The following MAP4K5 variants were observed in gnomAD, a reference collection of about 807,000 sequenced individuals.
The protein encoded by MAP4K5 is mitogen-activated protein kinase kinase kinase kinase 5.
A neutral mutation model predicts 135.6 loss-of-function variants in MAP4K5; 82 were observed. That is an observed-to-expected ratio of 0.60 (90% CI 0.51 to 0.73). The LOEUF (loss-of-function observed/expected upper bound fraction) is 0.73, where lower values mean the gene tolerates loss of function less well. MAP4K5 is among the 30% of genes least tolerant of loss of function. The pLI, the probability that MAP4K5 is intolerant of heterozygous loss-of-function variation, is 0.00. For missense variants in MAP4K5, 907 were observed against 1,010.9 expected (o/e 0.90, Z 1.39); for synonymous variants, 347 against 335.0 (o/e 1.04, Z -0.39).
intron 1 of MAP4K5, among the ~76,000 whole-genome samples, chr14:50,549,475 T>C (rs2038675277): frequency 6.6e-6 from 1 of 152,184 alleles, no homozygotes; most frequent in Admixed American, 6.5e-5. Flanking sequence ...GTCAATTGTA[T>C]TGGTCCTGTG....
chr14:50,454,256 C>T (rs942028512), intron 14 of MAP4K5, among the ~76,000 whole-genome samples: 11 of 152,062 alleles, frequency 7.2e-5, no homozygotes, highest in African/African-American at 1.9e-4. Context: ...TTCGCCTGGG[C>T]GGAGAGAGGG....
upstream of MAP4K5, among the ~76,000 whole-genome samples, chr14:50,535,935 C>T (rs571694267): frequency 4.6e-5 from 7 of 152,170 alleles, no homozygotes; most frequent in Non-Finnish European, 8.8e-5. Flanking sequence ...ATAACTCTCA[C>T]GAGACCTGAT....
intron 28 of MAP4K5, among the ~76,000 whole-genome samples, chr14:50,433,050 C>T (rs750942776): frequency 2.0e-4 from 30 of 152,014 alleles, no homozygotes; most frequent in African/African-American, 5.3e-4. Context: ...TTGGTCAGGC[C>T]GGTCTCGAAC....
At chr14:50,453,192 TC>T (rs2036528931) in intron 14 of MAP4K5, among the ~76,000 whole-genome samples, 1 of 151,038 alleles carries the variant, frequency 6.6e-6, no homozygotes, top group South Asian at 2.1e-4. Flanking sequence ...CCTCCTACCT[TC>T]CCTTGGTGCC....
chr14:50,519,241 T>G (rs2038097671), intron 2 of MAP4K5, among the ~76,000 whole-genome samples: 1 of 152,082 alleles, frequency 6.6e-6, no homozygotes, highest in Non-Finnish European at 1.5e-5. Context: ...TGTATATTAT[T>G]ATACATATCT....
Position 50,476,151 on chromosome 14 carries a change from G to GT in MAP4K5, c.445dup (p.Thr149AsnfsTer10). ...ACCTAATTTTACATCGCCATGGTCT[G>GT]TCAATAAAATATTAGCACCCTAGAA... On this transcript the variant is annotated frameshift_variant, in exon 8 of 33. Transcript: ENST00000682126. LOFTEE classifies it high-confidence loss of function. 1 of 1,508,316 alleles carries GT rather than the reference G, an allele frequency of 6.6e-7. No homozygotes were observed. Among genetic ancestry groups the GT allele is most frequent in the Non-Finnish European group, 8.9e-7 (1 of 1,122,622 alleles). 93.4% of individuals were successfully genotyped at this position (1,508,316 alleles called of 1,614,324 possible).
intron 28 of MAP4K5, among the ~76,000 whole-genome samples, chr14:50,429,579 A>G (rs1187329392): frequency 6.6e-6 from 1 of 152,234 alleles, no homozygotes; most frequent in Non-Finnish European, 1.5e-5. Flanking sequence ...CATGCATGCT[A>G]TACACAATGG....
intron 1 of MAP4K5, among the ~76,000 whole-genome samples, chr14:50,556,150 A>G (rs767911132): frequency 2.0e-4 from 31 of 152,190 alleles, no homozygotes; most frequent in Non-Finnish European, 2.8e-4. Context: ...TGACTTTTTA[A>G]AAACATTTGT....
At position 50,532,102 on chromosome 14, in the gene MAP4K5, G is replaced by C; in HGVS notation, c.-53C>G. 2 of 1,163,488 alleles carry C rather than the reference G, an allele frequency of 1.7e-6. No homozygotes were observed. The highest frequency in any genetic ancestry group is 1.2e-6 in the Non-Finnish European group (1 of 812,400). 72.1% of individuals were successfully genotyped at this position (1,163,488 alleles called of 1,614,324 possible). A position where few individuals can be genotyped will look rare whatever the true frequency, so the allele number is the denominator to read the frequency against. ...CTCACCCCGCGGCTCCCGGATTCCC[G>C]CTAACAAGCACGAACGGCGCCGCTT... On this transcript the variant is annotated 5_prime_UTR_variant, in exon 2 of 33. Coordinates refer to ENST00000682126, the MANE Select transcript of MAP4K5 (RefSeq NM_006575.6).
At chr14:50,429,117 A>T in intron 29 of MAP4K5, 75 bp downstream of exon 29, 1 of 841,622 alleles carries the variant, frequency 1.2e-6, no homozygotes, top group Non-Finnish European at 1.8e-6. Flanking sequence ...AAAAATCTTG[A>T]ATTATGGTTT....
chr14:50,434,392 A>C lies in MAP4K5; in HGVS notation c.2164+2T>G, dbSNP rs892714323. ...TTCTAACATAAGGTAAAAAATACTT[A>C]CCTGCACCAATTTCTGTAAACCATG... On this transcript the variant is annotated splice_donor_variant, in intron 28 of 32. Coordinates refer to ENST00000682126, the MANE Select transcript of MAP4K5 (RefSeq NM_006575.6). LOFTEE classifies it high-confidence loss of function. The C allele has an allele frequency of 2.5e-6, 4 of 1,597,162 alleles. No individual in the cohort carries two copies. The highest frequency in any genetic ancestry group is 3.4e-6 in the Non-Finnish European group (4 of 1,171,372).
At chr14:50,546,845 T>G (rs1371628788) in intron 1 of MAP4K5, among the ~76,000 whole-genome samples, 2 of 151,806 alleles carry the variant, frequency 1.3e-5, no homozygotes, top group Non-Finnish European at 2.9e-5. Context: ...AGGTTTTTTT[T>G]TAATTATTAT....
intron 2 of MAP4K5, among the ~76,000 whole-genome samples, chr14:50,511,990 G>GT (rs2037939471): frequency 1.3e-5 from 2 of 152,132 alleles, no homozygotes; most frequent in South Asian, 4.1e-4. Flanking sequence ...TTACATATTT[G>GT]TCAAAACCCA....
At chr14:50,517,920 A>T (rs913730474) in intron 2 of MAP4K5, among the ~76,000 whole-genome samples, 2 of 152,242 alleles carry the variant, frequency 1.3e-5, no homozygotes, top group African/African-American at 2.4e-5. Flanking sequence ...TAATCACTAC[A>T]TATATTAGTC....
chr14:50,442,585 T>G, intron 21 of MAP4K5, 147 bp downstream of exon 21: 1 of 584,688 alleles, frequency 1.7e-6, no homozygotes, highest in Non-Finnish European at 3.0e-6. Context: ...AAAACCCTAT[T>G]GACCTATTTA....
At chr14:50,525,457 C>T (rs1039546574) in intron 2 of MAP4K5, among the ~76,000 whole-genome samples, 3 of 152,114 alleles carry the variant, frequency 2.0e-5, no homozygotes, top group South Asian at 2.1e-4. Flanking sequence ...AACTCTCATC[C>T]GGATTATTCG....
intron 2 of MAP4K5, among the ~76,000 whole-genome samples, chr14:50,511,747 G>A (rs1446135962): frequency 1.3e-5 from 2 of 151,866 alleles, no homozygotes; most frequent in Admixed American, 6.6e-5. Flanking sequence ...AAAAAGATAC[G>A]GAAGAATCCT....
At chr14:50,519,174 T>C (rs2038096121) in intron 2 of MAP4K5, among the ~76,000 whole-genome samples, 1 of 152,008 alleles carries the variant, frequency 6.6e-6, no homozygotes, top group African/African-American at 2.4e-5. Context: ...CAAAAAGTTG[T>C]TATATATTGT....
chr14:50,423,981 C>T (rs949209828), intron 31 of MAP4K5, among the ~76,000 whole-genome samples: 2 of 152,094 alleles, frequency 1.3e-5, no homozygotes, highest in Admixed American at 1.3e-4. Flanking sequence ...GCCCCAGTTG[C>T]TCTTAGTGGG....
Sources: gnomAD v4.1 joint callset for allele counts (sites outside exome capture counted in the v4.1 genomes callset) on GRCh38, gnomAD v4.1.1 for gene constraint, MANE v1.5 for transcripts, NCBI Gene and HGNC (gene_info 2026-07-23, HGNC 2026-07-21) for gene names.